The following ZBTB7C variants were observed in gnomAD, a reference collection of about 807,000 sequenced individuals.
ZBTB7C encodes the protein zinc finger and BTB domain containing 7C.
In ZBTB7C, 8 loss-of-function variants were observed where a neutral mutation model predicts 25.7. That is an observed-to-expected ratio of 0.31 (90% CI 0.18 to 0.56). ZBTB7C has a LOEUF of 0.56. Ranked by LOEUF, ZBTB7C falls within the 20% of genes least tolerant of loss-of-function variation. The pLI is 0.91. For missense variants in ZBTB7C, 824 were observed against 855.2 expected (o/e 0.96, Z 0.46); for synonymous variants, 394 against 369.0 (o/e 1.07, Z -0.78).
chr18:48,385,981 T>C (rs778446456), intron 1 of ZBTB7C, among the ~76,000 whole-genome samples: 3 of 152,190 alleles, frequency 2.0e-5, no homozygotes, highest in Non-Finnish European at 2.9e-5. Flanking sequence ...ACAGATATTA[T>C]ACAATATGTG....
At chr18:48,097,412 A>G (rs2038677583) in intron 3 of ZBTB7C, among the ~76,000 whole-genome samples, 1 of 150,676 alleles carries the variant, frequency 6.6e-6, no homozygotes, top group African/African-American at 2.4e-5. Flanking sequence ...TATTATTATT[A>G]TTGAGACAGA....
chr18:48,088,958 C>A (rs114214521), intron 3 of ZBTB7C, among the ~76,000 whole-genome samples: 1 of 152,150 alleles, frequency 6.6e-6, no homozygotes, highest in Non-Finnish European at 1.5e-5. Flanking sequence ...AGGCAATGGG[C>A]AGCCACTAAA....
chr18:48,039,602 C>G (rs950050388), intron 4 of ZBTB7C, among the ~76,000 whole-genome samples: 4 of 152,340 alleles, frequency 2.6e-5, no homozygotes, highest in Admixed American at 2.6e-4. Context: ...GAAGAGGAAG[C>G]CAAGCAACCA....
intron 2 of ZBTB7C, among the ~76,000 whole-genome samples, chr18:48,238,490 C>T (rs1362826701): frequency 6.6e-6 from 1 of 152,212 alleles, no homozygotes; most frequent in African/African-American, 2.4e-5. Flanking sequence ...AAGTCTGCCT[C>T]TGAACACACA....
intron 3 of ZBTB7C, among the ~76,000 whole-genome samples, chr18:48,125,420 T>C (rs2039767824): frequency 6.6e-6 from 1 of 152,122 alleles, no homozygotes; most frequent in African/African-American, 2.4e-5. Flanking sequence ...CAGACATCTG[T>C]TTTTGCACGC....
chr18:48,281,065 AC>A (rs772016322), intron 2 of ZBTB7C, among the ~76,000 whole-genome samples: 15 of 151,764 alleles, frequency 9.9e-5, no homozygotes, highest in African/African-American at 1.7e-4. Flanking sequence ...TGTTGGCCAG[AC>A]TGGTCTCGAA....
chr18:48,067,896 G>T (rs543807354), intron 3 of ZBTB7C, among the ~76,000 whole-genome samples: 1 of 152,224 alleles, frequency 6.6e-6, no homozygotes, highest in East Asian at 1.9e-4. Flanking sequence ...AGCTACTCGG[G>T]AAGCTAAGTC....
At chr18:48,281,572 G>GATT (rs2044852193) in intron 2 of ZBTB7C, among the ~76,000 whole-genome samples, 4 of 152,092 alleles carry the variant, frequency 2.6e-5, no homozygotes, top group Non-Finnish European at 5.9e-5. Flanking sequence ...CTGACAAAGG[G>GATT]CTAATATCCA....
upstream of ZBTB7C, among the ~76,000 whole-genome samples, chr18:48,412,256 G>T (rs2048387222): frequency 1.3e-5 from 2 of 152,182 alleles, no homozygotes; most frequent in African/African-American, 2.4e-5. Context: ...AATTATCTGA[G>T]AATTGGGATC....
At chr18:48,035,942 CTG>C (rs1201288944) in intron 4 of ZBTB7C, among the ~76,000 whole-genome samples, 1 of 152,274 alleles carries the variant, frequency 6.6e-6, no homozygotes, top group Non-Finnish European at 1.5e-5. Flanking sequence ...GGAGCTGCCT[CTG>C]TGGCCAGCAC....
chr18:48,275,297 G>A (rs2044612558), intron 2 of ZBTB7C, among the ~76,000 whole-genome samples: 1 of 152,216 alleles, frequency 6.6e-6, no homozygotes, highest in African/African-American at 2.4e-5. Flanking sequence ...TATCATCGAA[G>A]TGGTTTTTCC....
chr18:48,096,059 CGTTATCGGGGGCTCAG>C (rs2038619447), intron 3 of ZBTB7C, among the ~76,000 whole-genome samples: 1 of 152,180 alleles, frequency 6.6e-6, no homozygotes, highest in Non-Finnish European at 1.5e-5. Context: ...GCAGCTCTGC[CGTTATCGGGGGCTCAG>C]GTTCTTGGTC....
At chr18:48,239,058 C>T (rs919596987) in intron 2 of ZBTB7C, among the ~76,000 whole-genome samples, 1 of 152,110 alleles carries the variant, frequency 6.6e-6, no homozygotes, top group African/African-American at 2.4e-5. Context: ...AGGTCACTTC[C>T]CCGGTGACCT....
chr18:48,410,357 C>G (rs370180665), upstream of ZBTB7C, among the ~76,000 whole-genome samples: 1,406 of 152,312 alleles, frequency 9.2e-3, 23 homozygotes, highest in African/African-American at 0.029. Context: ...CGCTGGCCGC[C>G]CGTCACTCCC....
intron 1 of ZBTB7C, among the ~76,000 whole-genome samples, chr18:48,350,009 G>A (rs2046827724): frequency 6.6e-6 from 1 of 152,230 alleles, no homozygotes; most frequent in African/African-American, 2.4e-5. Context: ...ACACTGAAAT[G>A]AGTGCGTTTC....
rs1460564157 is a variant in ZBTB7C at position 48,041,087 on chromosome 18, C to T, written c.21G>A (p.Glu7=). The part of the protein sequence containing the change: MANDID[E]LIGIPFPNHS... Reference sequence around the variant, plus strand: ...GGTTGGGGAAGGGAATGCCAATGAGCTCATCAATGTCATTGGCCATGTTCT... The same window carrying T: ...GGTTGGGGAAGGGAATGCCAATGAGTTCATCAATGTCATTGGCCATGTTCT... Residue 7 remains glutamate (E), a synonymous_variant, in exon 4 of 5, where the codon GAG becomes GAA. Transcript: ENST00000590800. 1.9e-6 allele frequency: 3 copies of T among 1,604,320 alleles called. No individual in the cohort carries two copies. The Admixed American group carries it at 5.0e-5, about 27-fold the overall frequency.
intron 1 of ZBTB7C, among the ~76,000 whole-genome samples, chr18:48,347,120 G>GT (rs1283425383): frequency 4.8e-4 from 51 of 106,426 alleles, no homozygotes; most frequent in African/African-American, 1.7e-3. Flanking sequence ...CCCAGTTTTT[G>GT]TTTGTTTTTT....
chr18:48,137,408 G>A (rs1373811834), intron 3 of ZBTB7C: 1 of 873,934 alleles, frequency 1.1e-6, no homozygotes, highest in Non-Finnish European at 1.4e-6. Flanking sequence ...TTTGTTTTTT[G>A]TGGGTTTCCC....
At chr18:48,272,440 G>T (rs2044521546) in intron 2 of ZBTB7C, among the ~76,000 whole-genome samples, 1 of 152,216 alleles carries the variant, frequency 6.6e-6, no homozygotes, top group Non-Finnish European at 1.5e-5. Flanking sequence ...ATCAAGGGGA[G>T]AGATGTATTC....
Sources: allele counts gnomAD v4.1 joint callset (sites outside exome capture counted in the v4.1 genomes callset), GRCh38; gene constraint gnomAD v4.1.1; transcripts MANE v1.5; gene names NCBI Gene and HGNC (gene_info 2026-07-23, HGNC 2026-07-21).